SPATA33: variants seen among roughly 807,000 people sequenced by gnomAD.
SPATA33 encodes the protein spermatogenesis-associated protein 33.
SPATA33 carries 10 observed loss-of-function variants against 8.9 expected under a neutral mutation model. That is an observed-to-expected ratio of 1.12 (90% CI 0.69 to 1.90). The LOEUF is 1.90. Ranked by LOEUF, SPATA33 falls within the 40% of genes most tolerant of loss-of-function variation. The probability of loss-of-function intolerance (pLI) is 0.00; values close to 1 mark genes in which losing one functional copy is unlikely to be tolerated. For synonymous variants in SPATA33, 96 were observed against 72.8 expected, an observed-to-expected ratio of 1.32 and a Z score of -1.63; for missense variants, 241 against 178.3, an observed-to-expected ratio of 1.35 and a Z score of -2.00.
chr16:89,668,993 C>T (rs1291532715), intron 2 of SPATA33, among the ~76,000 whole-genome samples: 3 of 152,118 alleles, frequency 2.0e-5, no homozygotes, highest in African/African-American at 7.2e-5. Context: ...CGTGTGCCCT[C>T]CCTCCTTCCT....
chr16:89,659,198 G>C (rs2059930434), intron 2 of SPATA33: 1 of 152,250 alleles, frequency 6.6e-6, no homozygotes, highest in Non-Finnish European at 1.5e-5. Flanking sequence ...CCTACCAACA[G>C]GGGAAGCCAG....
In SPATA33 at chr16:89,669,291, C is replaced by T; in HGVS notation, c.217C>T (p.Pro73Ser). The T allele has an allele frequency of 1.9e-6, 3 of 1,614,094 alleles. No homozygotes were observed. The highest frequency in any genetic ancestry group is 2.5e-6 in the Non-Finnish European group (3 of 1,180,016). ...CTGGATGTTTTTTCCTCTAGAGAAA[C>T]CTGATGTAAAGCAAAAGTCCAGCAG... ...PPPAASLEEK[P>S]DVKQKSSRKK... Residue 73 changes from proline to serine, a missense_variant, in exon 3 of 3, where the codon CCT (proline) becomes TCT (serine). Pro to Ser is a moderately conservative substitution (Grantham distance 74). Transcript: ENST00000579310.
chr16:89,665,342 G>A (rs1205643295), intron 2 of SPATA33, among the ~76,000 whole-genome samples: 1 of 139,134 alleles, frequency 7.2e-6, no homozygotes, highest in African/African-American at 2.7e-5. Context: ...TTGCTCTGTC[G>A]CCACCCAGGC....
intron 2 of SPATA33, 74 bp from the exon 3 acceptor site, chr16:89,669,212 A>G (rs1006249434): frequency 1.4e-6 from 2 of 1,380,052 alleles, no homozygotes; most frequent in Admixed American, 1.7e-5. Context: ...ACTCTGACCA[A>G]TGGCAGGAGG....
intron 2 of SPATA33, among the ~76,000 whole-genome samples, chr16:89,666,337 TG>T (rs2060025410): frequency 6.6e-6 from 1 of 152,072 alleles, no homozygotes; most frequent in African/African-American, 2.4e-5. Flanking sequence ...CGCTCCTTCC[TG>T]GGCTACAGAG....
chr16:89,658,179 G>A, intron 1 of SPATA33, 69 bp from the exon 2 acceptor site: 1 of 1,597,000 alleles, frequency 6.3e-7, no homozygotes, highest in East Asian at 2.2e-5. Context: ...GCAGGCGACT[G>A]AAGACGATGG....
chr16:89,664,070 G>C (rs2059994768), intron 2 of SPATA33, among the ~76,000 whole-genome samples: 1 of 152,188 alleles, frequency 6.6e-6, no homozygotes, highest in South Asian at 2.1e-4. Flanking sequence ...AGTGAGCCAA[G>C]ATCGTGCCAC....
rs371422726 is a variant in SPATA33 at position 89,658,278 on chromosome 16, C to T, written c.68C>T (p.Ser23Leu). Residue 23 changes from serine to leucine, a missense_variant, in exon 2 of 3, where the codon TCA (serine) becomes TTA (leucine). Coordinates refer to ENST00000579310, the MANE Select transcript of SPATA33 (RefSeq NM_001271907.2). ...GEEQKKGSTY[S>L]VPKSKEKLME... ...GAGCAAAAGAAGGGATCCACCTATT[C>T]AGTTCCAAAATCTAAGGAGAAGTTG... 51 of 1,614,184 alleles carry T rather than the reference C, an allele frequency of 3.2e-5. No individual in the cohort carries two copies. The Middle Eastern group carries it at 6.6e-4, about 21-fold the overall frequency.
rs773403248 is a variant in SPATA33, at chr16:89,669,468, G to A, written c.394G>A (p.Asp132Asn). Residue 132 changes from aspartate to asparagine, a missense_variant, in exon 3 of 3, where the codon GAC becomes AAC. Coordinates refer to ENST00000579310, the MANE Select transcript of SPATA33 (RefSeq NM_001271907.2). ...GCGGCACAGGAACCCCAGTACAGCAGACGCCTATAATTCACATCTCAAAGA... is the reference window on the plus strand; with the variant it reads ...GCGGCACAGGAACCCCAGTACAGCAAACGCCTATAATTCACATCTCAAAGA... ...YRRHRNPSTADAYNSHLKE is the reference protein window; with the variant it reads ...YRRHRNPSTANAYNSHLKE 2 of 1,613,342 alleles carry A rather than the reference G, an allele frequency of 1.2e-6. No homozygotes were observed. The highest frequency in any genetic ancestry group is 1.7e-6 in the Non-Finnish European group (2 of 1,180,038).
Position 89,658,362 on chromosome 16 carries a change from A to G in SPATA33, c.152A>G (p.Asp51Gly). The G allele has an allele frequency of 6.2e-7, 1 of 1,613,570 alleles. No homozygotes were observed. The highest frequency in any genetic ancestry group is 8.5e-7 in the Non-Finnish European group (1 of 1,180,004). The change falls in exon 2 of 3, where the codon GAC (aspartate) becomes GGC (glycine). Residue 51 changes from aspartate to glycine, a missense_variant. Physicochemically the swap from Asp to Gly is moderately conservative, Grantham distance 94. Coordinates refer to ENST00000579310, the MANE Select transcript of SPATA33 (RefSeq NM_001271907.2). ...GACAGGGAGTCGGAGAAGCCTGTGGACAGCCTCCACCCGGGGGCCGGGACA... is the reference window on the plus strand; with the variant it reads ...GACAGGGAGTCGGAGAAGCCTGTGGGCAGCCTCCACCCGGGGGCCGGGACA... ...QADRESEKPV[D>G]SLHPGAGTAK...
chr16:89,664,150 T>C (rs1214900126), intron 2 of SPATA33, among the ~76,000 whole-genome samples: 4 of 152,170 alleles, frequency 2.6e-5, no homozygotes, highest in East Asian at 1.9e-4. Flanking sequence ...AGTACACATA[T>C]TGAAGAATTT....
upstream of SPATA33, chr16:89,657,832 T>A (rs1473832847): frequency 3.3e-6 from 5 of 1,512,002 alleles, no homozygotes; most frequent in Non-Finnish European, 4.4e-6. Flanking sequence ...CGCGAGGACC[T>A]TTTGTGAGTC....
intron 2 of SPATA33, chr16:89,659,202 A>T (rs938671626): frequency 2.6e-5 from 4 of 152,280 alleles, no homozygotes; most frequent in Non-Finnish European, 5.9e-5. Context: ...CCAACAGGGG[A>T]AGCCAGTTCG....
At position 89,669,879 on chromosome 16, in the gene SPATA33, C is replaced by A. The variant is rs1427256366; in HGVS notation, c.*382C>A. On this transcript the variant is annotated 3_prime_UTR_variant, in exon 3 of 3. Transcript: ENST00000579310. ...GGGAGGGTACACCAGGGTTGCCCCA[C>A]CCTGTGAGAAGCCACCGCCCCCTTC... The A allele has an allele frequency of 4.1e-6, 1 of 246,494 alleles. No homozygotes were observed. The highest frequency in any genetic ancestry group is 7.9e-6 in the Non-Finnish European group (1 of 125,886). The allele number at this position is 246,494 out of a possible 1,614,324, so 15.3% of individuals were successfully genotyped here. A position where few individuals can be genotyped will look rare whatever the true frequency, so the allele number is the denominator to read the frequency against.
chr16:89,665,542 C>G (rs1163954907), intron 2 of SPATA33, among the ~76,000 whole-genome samples: 1 of 141,036 alleles, frequency 7.1e-6, no homozygotes, highest in African/African-American at 2.6e-5. Context: ...TCTTAATTTC[C>G]TGACCTCGTG....
At chr16:89,660,992 T>G (rs1413458862) in intron 2 of SPATA33, 1 of 995,620 alleles carries the variant, frequency 1.0e-6, no homozygotes, top group African/African-American at 1.7e-5. Context: ...TACGTCTCAG[T>G]GAGTCTTCAC....
At chr16:89,666,249 C>A (rs2151532824) in intron 2 of SPATA33, among the ~76,000 whole-genome samples, 1 of 152,236 alleles carries the variant, frequency 6.6e-6, no homozygotes, top group East Asian at 1.9e-4. Context: ...TCCAGCTACT[C>A]AGTGAGGTCC....
intron 2 of SPATA33, among the ~76,000 whole-genome samples, chr16:89,664,420 G>A (rs1337447314): frequency 3.3e-5 from 5 of 152,168 alleles, no homozygotes; most frequent in Non-Finnish European, 5.9e-5. Context: ...GAGTGTGGGT[G>A]GAATGAGGAA....
At position 89,657,885 on chromosome 16, in the gene SPATA33, G is replaced by A; in HGVS notation, c.-27G>A. 1.3e-6 allele frequency: 2 copies of A among 1,516,524 alleles called. No individual in the cohort carries two copies. The highest frequency in any genetic ancestry group is 1.8e-6 in the Non-Finnish European group (2 of 1,139,222). 93.9% of individuals were successfully genotyped at this position (1,516,524 alleles called of 1,614,324 possible). ...CGCGGAGGTGTGGGGACCCGGGCTT[G>A]CGTCGGAGGGGGCGGTGGGCTCACC... On this transcript the variant is annotated 5_prime_UTR_variant, in exon 1 of 3. Transcript: ENST00000579310.
Sources: allele counts gnomAD v4.1 joint callset (sites outside exome capture counted in the v4.1 genomes callset), GRCh38; gene constraint gnomAD v4.1.1; transcripts MANE v1.5; gene names NCBI Gene and HGNC (gene_info 2026-07-23, HGNC 2026-07-21).